Variants in CDKL2 observed in about 807,000 individuals in gnomAD.
CDKL2 encodes the protein cyclin-dependent kinase-like 2.
CDKL2 carries 64 observed loss-of-function variants against 63.9 expected under a neutral mutation model. The observed-to-expected ratio is 1.00, with a 90% CI of 0.82 to 1.23. CDKL2 has a LOEUF of 1.23. CDKL2 is among the 50% of genes most tolerant of loss of function. The pLI is 0.00. For missense variants in CDKL2, 656 were observed against 668.0 expected (o/e 0.98, Z 0.20); for synonymous variants, 211 against 229.2 (o/e 0.92, Z 0.72).
chr4:75,623,325 C>T (rs768583101), intron 2 of CDKL2, among the ~76,000 whole-genome samples: 18 of 151,964 alleles, frequency 1.2e-4, no homozygotes, highest in Non-Finnish European at 2.5e-4. Context: ...GGGCTACTGG[C>T]GCAAGCTTAA....
At position 75,600,597 on chromosome 4, in the gene CDKL2, C is replaced by A. The variant is rs112644652; in HGVS notation, c.796-228G>T. On this transcript the variant is annotated intron_variant, in intron 6 of 13. Coordinates refer to ENST00000307465, the MANE Select transcript of CDKL2 (RefSeq NM_001330724.2). ...ATCTCAGTCTCCTGAGTAGCTGGGA[C>A]CACAGGTGCACACCACCACACCCAG... Among the ~76,000 whole-genome samples the A allele has an allele frequency of 5.8e-3, 886 of 151,990 alleles. 12 individuals carry two copies. The highest frequency in any genetic ancestry group is 0.021 in the African/African-American group (851 of 41,440).
chr4:75,581,976 G>T, intron 12 of CDKL2, 78 bp from the exon 13 acceptor site: 1 of 908,170 alleles, frequency 1.1e-6, no homozygotes, highest in Non-Finnish European at 1.8e-6. Flanking sequence ...AATTCTATTT[G>T]TTCAAATATT....
chr4:75,579,868 CT>C (rs1394635548), intron 13 of CDKL2, among the ~76,000 whole-genome samples: 1 of 152,200 alleles, frequency 6.6e-6, no homozygotes, highest in Non-Finnish European at 1.5e-5. Flanking sequence ...TTGAAAGGAC[CT>C]GTGCAAATGA....
rs769782462 is a variant in CDKL2, at chr4:75,596,366, T to C, written c.1323-26A>G. On this transcript the variant is annotated intron_variant, in intron 9 of 13. Coordinates refer to ENST00000307465, the MANE Select transcript of CDKL2 (RefSeq NM_001330724.2). Reference sequence around the variant, plus strand: ...CTGTAACGACAAAAAAAAATGTTTTTAAGTTAGAACCAGCAATAATTATTT... The same window carrying C: ...CTGTAACGACAAAAAAAAATGTTTTCAAGTTAGAACCAGCAATAATTATTT... 23 of 1,416,552 alleles carry C rather than the reference T, an allele frequency of 1.6e-5. No homozygotes were observed. In the Admixed American group the frequency reaches 2.4e-4, roughly 15 times the overall value. The allele number at this position is 1,416,552 out of a possible 1,614,324, so 87.7% of individuals were successfully genotyped here. A position where few individuals can be genotyped will look rare whatever the true frequency, so the allele number is the denominator to read the frequency against.
At chr4:75,621,891 G>T (rs576939305) in intron 2 of CDKL2, among the ~76,000 whole-genome samples, 2 of 152,208 alleles carry the variant, frequency 1.3e-5, no homozygotes, top group South Asian at 4.1e-4. Context: ...GTAATATTAG[G>T]TATATCCTAA....
rs182623519 is a variant in CDKL2, at chr4:75,580,335, T to C, written c.*24-1157A>G. Among the ~76,000 whole-genome samples the C allele has an allele frequency of 2.4e-4, 37 of 152,302 alleles. 1 individual carries two copies. Among genetic ancestry groups the C allele is most frequent in the African/African-American group, 7.9e-4 (33 of 41,570 alleles). ...ATTTTACATAATGAGATATTAAACATTGAATGACTTGCTTGAGCAAATAAA... is the reference window on the plus strand; with the variant it reads ...ATTTTACATAATGAGATATTAAACACTGAATGACTTGCTTGAGCAAATAAA... On this transcript the variant is annotated intron_variant, in intron 13 of 13. Transcript: ENST00000307465.
At chr4:75,608,943 A>G (rs1181395455) in intron 3 of CDKL2, among the ~76,000 whole-genome samples, 1 of 151,700 alleles carries the variant, frequency 6.6e-6, no homozygotes, top group East Asian at 1.9e-4. Flanking sequence ...GCAGTGAGCC[A>G]AGATCGCACC....
chr4:75,621,327 A>G (rs184397161), intron 2 of CDKL2, among the ~76,000 whole-genome samples: 50 of 150,870 alleles, frequency 3.3e-4, no homozygotes, highest in African/African-American at 1.1e-3. Flanking sequence ...ACCTAGGCAT[A>G]TTATTGTAAA....
At chr4:75,624,652 C>T (rs944503678) in intron 2 of CDKL2, among the ~76,000 whole-genome samples, 1 of 150,662 alleles carries the variant, frequency 6.6e-6, no homozygotes, top group African/African-American at 2.4e-5. Context: ...AGATCGAGAC[C>T]ATCCCAATCA....
chr4:75,584,942 C>G (rs1728409441), intron 12 of CDKL2, among the ~76,000 whole-genome samples: 1 of 152,150 alleles, frequency 6.6e-6, no homozygotes, highest in African/African-American at 2.4e-5. Context: ...TACCACATCT[C>G]TAAGGTAGCA....
chr4:75,587,191 C>T lies in CDKL2; in HGVS notation c.1647+4628G>A, dbSNP rs141041468. 3.4e-3 allele frequency among the ~76,000 whole-genome samples: 519 copies of T among 152,282 alleles called. 1 individual carries two copies. The highest frequency in any genetic ancestry group is 0.012 in the African/African-American group (480 of 41,548). On this transcript the variant is annotated intron_variant, in intron 12 of 13. Coordinates refer to ENST00000307465, the MANE Select transcript of CDKL2 (RefSeq NM_001330724.2). ...ATAAGAGGCCGGGTGCAGTGGCTCA[C>T]GCCTGTAATCCCAGCACTTCGGGAG...
In CDKL2 at chr4:75,591,897, C is replaced by T. The variant is rs910750117; in HGVS notation, c.1569G>A (p.Glu523=). The T allele has an allele frequency of 6.5e-7, 1 of 1,535,824 alleles. No homozygotes were observed. Among genetic ancestry groups the T allele is most frequent in the African/African-American group, 1.4e-5 (1 of 73,034 alleles). The stretch of plus-strand genomic sequence containing the variant: ...TTCGAGATTCTGAAAGAATTTTGCT[C>T]TCTTTCTTTGTTAGCCTGGAATTTC... ...IARNSRLTKK[E]SKILSESRIP... is the part of the protein sequence containing the mutation. The change falls in exon 12 of 14, where the codon GAG becomes GAA. Residue 523 remains glutamate (E), a synonymous_variant. Transcript: ENST00000307465.
chr4:75,604,025 T>C, intron 5 of CDKL2, 69 bp from the exon 6 acceptor site: 1 of 1,443,374 alleles, frequency 6.9e-7, no homozygotes, highest in African/African-American at 1.4e-5. Flanking sequence ...AGACAGGTGG[T>C]GTGAAGTAGA....
At chr4:75,621,417 A>AT (rs543694216) in intron 2 of CDKL2, among the ~76,000 whole-genome samples, 178 of 152,212 alleles carry the variant, frequency 1.2e-3, no homozygotes, top group Non-Finnish European at 2.1e-3. Context: ...CTGATGTCTG[A>AT]TTTTTTCAAT....
Position 75,603,951 on chromosome 4 carries a change from G to A in CDKL2, c.661C>T (p.Leu221=). The A allele has an allele frequency of 1.9e-6, 3 of 1,605,544 alleles. No individual in the cohort carries two copies. The South Asian group carries it at 3.4e-5, about 18-fold the overall frequency. The part of the protein sequence containing the change: ...LYHIMMCLGN[L]IPRHQELFNK... ...AAAAGCTCCTGATGCCTTGGAATTA[G>A]ATTACCTGGAAGTGAAAACAGCACA... Residue 221 remains leucine (L), a synonymous_variant, in exon 6 of 14, where the codon CTA becomes TTA. Coordinates refer to ENST00000307465, the MANE Select transcript of CDKL2 (RefSeq NM_001330724.2).
intron 6 of CDKL2, 98 bp downstream of exon 6, chr4:75,603,719 A>G (rs1729300981): frequency 2.7e-6 from 2 of 738,116 alleles, no homozygotes; most frequent in African/African-American, 3.7e-5. Flanking sequence ...CATCAAAAAA[A>G]AAAAAAAAAG....
intron 12 of CDKL2, among the ~76,000 whole-genome samples, chr4:75,589,405 C>T (rs1261577835): frequency 6.7e-6 from 1 of 148,624 alleles, no homozygotes; most frequent in African/African-American, 2.5e-5. Context: ...CCCGGGTTCA[C>T]GCCATTCTCC....
At chr4:75,581,295 T>C (rs938598796) in intron 13 of CDKL2, among the ~76,000 whole-genome samples, 89 of 152,230 alleles carry the variant, frequency 5.8e-4, no homozygotes, top group African/African-American at 2.1e-3. Flanking sequence ...CAGTATTCAG[T>C]ACAGTAACAT....
At chr4:75,613,633 C>A (rs1199751004) in intron 3 of CDKL2, among the ~76,000 whole-genome samples, 2 of 152,140 alleles carry the variant, frequency 1.3e-5, no homozygotes, top group Non-Finnish European at 2.9e-5. Context: ...AATTTTCAAA[C>A]ATTCACACTT....
Sources: allele counts gnomAD v4.1 joint callset (sites outside exome capture counted in the v4.1 genomes callset), GRCh38; gene constraint gnomAD v4.1.1; transcripts MANE v1.5; gene names NCBI Gene and HGNC (gene_info 2026-07-23, HGNC 2026-07-21).